Variants in TSPEAR observed in about 807,000 individuals in gnomAD.
TSPEAR encodes the protein thrombospondin-type laminin G domain and EAR repeat-containing protein.
In TSPEAR, 69 loss-of-function variants were observed where a neutral mutation model predicts 71.6. That is an observed-to-expected ratio of 0.96 (90% CI 0.79 to 1.18). TSPEAR has a LOEUF of 1.18. TSPEAR is among the 50% of genes most tolerant of loss of function. The probability of loss-of-function intolerance (pLI) is 0.00; values close to 1 mark genes in which losing one functional copy is unlikely to be tolerated. For missense variants in TSPEAR, 971 were observed against 894.9 expected (o/e 1.09, Z -1.09); for synonymous variants, 402 against 387.2 (o/e 1.04, Z -0.45).
rs373586033 is a variant in TSPEAR at position 44,661,250 on chromosome 21, A to G, written c.82+50183T>C. 5.8e-3 allele frequency among the ~76,000 whole-genome samples: 798 copies of G among 138,318 alleles called. 6 individuals are homozygous for G. Among genetic ancestry groups the G allele is most frequent in the African/African-American group, 0.021 (761 of 36,976 alleles). 90.7% of individuals were successfully genotyped at this position (138,318 alleles called of 152,430 possible). Reference sequence around the variant, plus strand: ...AGCCGAGATCGCGCCACTGCACTCCAGGCTGGGTGACACAGAGTGAGACTC... The same window carrying G: ...AGCCGAGATCGCGCCACTGCACTCCGGGCTGGGTGACACAGAGTGAGACTC... On this transcript the variant is annotated intron_variant, in intron 1 of 11. Transcript: ENST00000323084.
At chr21:44,678,628 T>C (rs9647234) in intron 1 of TSPEAR, among the ~76,000 whole-genome samples, 86,165 of 152,004 alleles carry the variant, frequency 0.57, 24,742 homozygotes, top group Middle Eastern at 0.71. Context: ...CAATCCAGTG[T>C]AATCAGGTAA....
intron 2 of TSPEAR, chr21:44,558,586 T>G (rs2146050327): frequency 6.2e-7 from 1 of 1,611,012 alleles, no homozygotes; most frequent in Non-Finnish European, 8.5e-7. Flanking sequence ...CAGACCAGGG[T>G]CAGGCAGGGG....
intron 4 of TSPEAR, 145 bp from the exon 5 acceptor site, chr21:44,530,099 G>A: frequency 1.2e-6 from 1 of 842,484 alleles, no homozygotes; most frequent in South Asian, 1.8e-5. Flanking sequence ...ACTGGGAAGA[G>A]TTTACATGAT....
At position 44,711,523 on chromosome 21, in the gene TSPEAR, T is replaced by C. The variant is rs550466537; in HGVS notation, c.-9A>G. On this transcript the variant is annotated 5_prime_UTR_variant, in exon 1 of 12. Transcript: ENST00000323084. This position sits in a 1 kb window ranked among gnomAD's most constrained non-coding sequence, Gnocchi z 4.5. ...CTCAGCAGGGCAGACATGAGGGGCT[T>C]GGGTGCCAAGCTCCATCCAGGGCTC... 9.9e-6 allele frequency: 16 copies of C among 1,609,246 alleles called. No homozygotes were observed. The African/African-American group carries it at 1.7e-4, about 17-fold the overall frequency.
intron 8 of TSPEAR, among the ~76,000 whole-genome samples, chr21:44,522,580 C>G (rs1258063565): frequency 6.6e-6 from 1 of 152,238 alleles, no homozygotes; most frequent in Non-Finnish European, 1.5e-5. Context: ...AGGGTTGGGT[C>G]TGGGAGGTCC....
At chr21:44,661,734 C>T (rs1985506352) in intron 1 of TSPEAR, among the ~76,000 whole-genome samples, 1 of 152,158 alleles carries the variant, frequency 6.6e-6, no homozygotes. Context: ...GGAGCAGGCA[C>T]ATCACGTGGC....
At chr21:44,516,816 G>A (rs2052587195) in intron 9 of TSPEAR, among the ~76,000 whole-genome samples, 1 of 152,196 alleles carries the variant, frequency 6.6e-6, no homozygotes, top group Non-Finnish European at 1.5e-5. Flanking sequence ...TGTGATCTAT[G>A]TACGCTGCTT....
chr21:44,558,180 G>C, intron 2 of TSPEAR: 2 of 1,546,492 alleles, frequency 1.3e-6, no homozygotes, highest in Admixed American at 3.7e-5. Context: ...GGAGGCAGGG[G>C]CACAGCAGGA....
chr21:44,625,660 T>C (rs1407242486), intron 1 of TSPEAR, among the ~76,000 whole-genome samples: 1 of 152,248 alleles, frequency 6.6e-6, no homozygotes, highest in Non-Finnish European at 1.5e-5. Flanking sequence ...ATGGCCTCTC[T>C]TTCCTTGCTC....
chr21:44,521,757 C>T (rs1013709260), intron 9 of TSPEAR, 126 bp downstream of exon 9: 39 of 893,074 alleles, frequency 4.4e-5, no homozygotes, highest in Non-Finnish European at 5.6e-5. Flanking sequence ...TTTGGGGTCA[C>T]GGGTGCAGAG....
chr21:44,507,361 C>A (rs1383825284), intron 10 of TSPEAR, among the ~76,000 whole-genome samples: 1 of 152,202 alleles, frequency 6.6e-6, no homozygotes, highest in Non-Finnish European at 1.5e-5. Flanking sequence ...AGGTTACACA[C>A]AGAAGCCACA....
Position 44,631,469 on chromosome 21 carries a change from C to T in TSPEAR, c.83-63464G>A, listed in dbSNP as rs587646936. On this transcript the variant is annotated intron_variant, in intron 1 of 11. Coordinates refer to ENST00000323084, the MANE Select transcript of TSPEAR (RefSeq NM_144991.3). ...TGATGGCTCACACCTGTAATCCCAG[C>T]ACTTTGGGAGGCTGAGGCAGGCAGA... Among the ~76,000 whole-genome samples the T allele has an allele frequency of 3.7e-4, 57 of 152,312 alleles. No homozygotes were observed. The South Asian group carries it at 7.7e-3, about 20-fold the overall frequency.
chr21:44,562,045 C>G (rs2053642030), intron 2 of TSPEAR, among the ~76,000 whole-genome samples: 1 of 152,152 alleles, frequency 6.6e-6, no homozygotes, highest in South Asian at 2.1e-4. Flanking sequence ...CAAATTATCT[C>G]TGTTTGCAGG....
intron 1 of TSPEAR, among the ~76,000 whole-genome samples, chr21:44,620,628 CCTT>C (rs1555933346): frequency 6.6e-6 from 1 of 152,064 alleles, no homozygotes. Context: ...CTTTTTTGTT[CCTT>C]GATTCGATTG....
intron 1 of TSPEAR, chr21:44,601,752 A>G: frequency 6.3e-7 from 1 of 1,596,132 alleles, no homozygotes; most frequent in Non-Finnish European, 8.6e-7. Context: ...CCTTAAGATC[A>G]TCCAAAGCCT....
Position 44,710,619 on chromosome 21 carries a change from C to A in TSPEAR, c.82+814G>T, listed in dbSNP as rs540517153. On this transcript the variant is annotated intron_variant, in intron 1 of 11. Transcript: ENST00000323084. This position sits in a 1 kb window ranked among gnomAD's most constrained non-coding sequence, Gnocchi z 4.6. The stretch of plus-strand genomic sequence containing the variant: ...CCAGAAGCGCAAGCCATCTCCTCGC[C>A]TCCCCTGATAGCCGTGCTGCGGAGC... Among the ~76,000 whole-genome samples the A allele has an allele frequency of 1.3e-5, 2 of 152,348 alleles. No individual in the cohort carries two copies. The highest frequency in any genetic ancestry group is 4.1e-4 in the South Asian group (2 of 4,826).
At chr21:44,665,180 G>A (rs931680690) in intron 1 of TSPEAR, among the ~76,000 whole-genome samples, 1 of 152,154 alleles carries the variant, frequency 6.6e-6, no homozygotes, top group African/African-American at 2.4e-5. Flanking sequence ...TACACAATAG[G>A]TCCCTGACCA....
intron 2 of TSPEAR, among the ~76,000 whole-genome samples, chr21:44,551,894 G>A (rs1555919135): frequency 6.6e-6 from 1 of 152,182 alleles, no homozygotes; most frequent in Non-Finnish European, 1.5e-5. Flanking sequence ...GTGGGCTGGC[G>A]TGGCTGTGAT....
rs1277950349 is a variant in TSPEAR at position 44,563,455 on chromosome 21, AC to A, written c.303+4329del. Among the ~76,000 whole-genome samples the A allele has an allele frequency of 2.0e-5, 3 of 152,150 alleles. No homozygotes were observed. In the East Asian group the frequency reaches 5.8e-4, roughly 29 times the overall value. On this transcript the variant is annotated intron_variant, in intron 2 of 11. Transcript: ENST00000323084. Reference sequence around the variant, plus strand: ...ATAAGTCAAAATAAGTATATGGTAAACCCCAGAGCAAACACTAAGGAAAAAC... The same window carrying A: ...ATAAGTCAAAATAAGTATATGGTAAACCCAGAGCAAACACTAAGGAAAAAC...
Sources: allele counts gnomAD v4.1 joint callset (sites outside exome capture counted in the v4.1 genomes callset), GRCh38; gene constraint gnomAD v4.1.1; non-coding constraint Gnocchi (gnomAD v3.1); transcripts MANE v1.5; gene names NCBI Gene and HGNC (gene_info 2026-07-23, HGNC 2026-07-21).